Variants in DLG2 observed in about 807,000 individuals in gnomAD.
The protein encoded by DLG2 is disks large homolog 2.
DLG2 carries 45 observed loss-of-function variants against 132.5 expected under a neutral mutation model. The ratio of observed to expected loss-of-function variants is 0.34; its 90% CI spans 0.27 to 0.44. The LOEUF is 0.44. Among genes scored for constraint, DLG2 ranks in the 20% least tolerant of loss-of-function variants. The probability of loss-of-function intolerance (pLI) is 1.00; values close to 1 mark genes in which losing one functional copy is unlikely to be tolerated. For missense variants in DLG2, 1,045 were observed against 1,196.9 expected, an observed-to-expected ratio of 0.87 and a Z score of 1.87; for synonymous variants, 424 against 419.6, an observed-to-expected ratio of 1.01 and a Z score of -0.13.
chr11:85,294,271 A>C (rs2079088432), intron 3 of DLG2, among the ~76,000 whole-genome samples: 3 of 152,078 alleles, frequency 2.0e-5, no homozygotes, highest in Admixed American at 1.3e-4. Context: ...ATTGAAATAC[A>C]CCACTTTGAA....
chr11:84,517,025 AAAT>A (rs1206133493), intron 7 of DLG2, among the ~76,000 whole-genome samples: 1,290 of 6,600 alleles, frequency 0.2, 18 homozygotes, highest in African/African-American at 0.35. Flanking sequence ...AATAAAAAAT[AAAT>A]AAATAAATAA....
intron 6 of DLG2, among the ~76,000 whole-genome samples, chr11:84,687,791 A>G (rs1457616019): frequency 6.6e-6 from 1 of 152,170 alleles, no homozygotes; most frequent in Admixed American, 6.5e-5. Flanking sequence ...TACACATTAA[A>G]TGTCAAAAAA....
chr11:85,144,718 T>C (rs1244232971), intron 5 of DLG2, among the ~76,000 whole-genome samples: 3 of 152,174 alleles, frequency 2.0e-5, no homozygotes, highest in South Asian at 4.1e-4. Flanking sequence ...AAAAAAACTC[T>C]ACACTTTATC....
At chr11:85,595,962 A>T (rs2079726180) in intron 3 of DLG2, among the ~76,000 whole-genome samples, 1 of 152,168 alleles carries the variant, frequency 6.6e-6, no homozygotes, top group Non-Finnish European at 1.5e-5. Flanking sequence ...TTTTATGGTG[A>T]TGCTTTTCAG....
In DLG2 at chr11:84,004,878, C is replaced by G. The variant is rs987053912; in HGVS notation, c.920-24236G>C. ...AGCAATCTACAGATTCAATGCAATC[C>G]CTATAAAAATACCAGAGTCATTTTT... On this transcript the variant is annotated intron_variant, in intron 11 of 27. Coordinates refer to ENST00000376104, the MANE Select transcript of DLG2 (RefSeq NM_001142699.3). Among the ~76,000 whole-genome samples, 3 of 148,278 alleles carry G rather than the reference C, an allele frequency of 2.0e-5. No homozygotes were observed. The Admixed American group carries it at 2.0e-4, about 10-fold the overall frequency.
intron 7 of DLG2, among the ~76,000 whole-genome samples, chr11:84,326,575 T>A (rs2098434315): frequency 6.6e-6 from 1 of 152,202 alleles, no homozygotes; most frequent in Admixed American, 6.5e-5. Flanking sequence ...TTCATTGTAG[T>A]TGGAAAATAT....
At chr11:83,989,505 G>A (rs1387567341) in intron 11 of DLG2, among the ~76,000 whole-genome samples, 2 of 152,182 alleles carry the variant, frequency 1.3e-5, no homozygotes, top group Admixed American at 6.5e-5. Context: ...CCAGCATTAT[G>A]TGAGGGAAGC....
At chr11:83,901,100 A>G (rs2073297134) in intron 15 of DLG2, among the ~76,000 whole-genome samples, 1 of 152,180 alleles carries the variant, frequency 6.6e-6, no homozygotes, top group Non-Finnish European at 1.5e-5. Flanking sequence ...GTTTTGGCCA[A>G]TGTCTCTCAT....
chr11:85,045,949 A>G (rs1241881572), intron 6 of DLG2, among the ~76,000 whole-genome samples: 1 of 152,030 alleles, frequency 6.6e-6, no homozygotes. Context: ...TACGTCTCTA[A>G]ACGAATCAAA....
chr11:84,121,085 C>T (rs1360381761), intron 9 of DLG2, among the ~76,000 whole-genome samples: 1 of 152,186 alleles, frequency 6.6e-6, no homozygotes, highest in African/African-American at 2.4e-5. Context: ...TGAACACCTT[C>T]TCTTTACCTG....
Position 85,013,500 on chromosome 11 carries a change from T to C in DLG2, c.357+98161A>G, listed in dbSNP as rs559331474. Among the ~76,000 whole-genome samples, 69 of 152,240 alleles carry C rather than the reference T, an allele frequency of 4.5e-4. 2 individuals carry two copies. The highest frequency in any genetic ancestry group is 1.4e-3 in the African/African-American group (60 of 41,546). On this transcript the variant is annotated intron_variant, in intron 6 of 27. Transcript: ENST00000376104. ...ACATTCAAAACCCTAAGTGTCCTCA[T>C]TGTTACTAATGTCCTAAATCAGAGC...
chr11:84,568,394 C>T (rs779832971), intron 6 of DLG2, among the ~76,000 whole-genome samples: 5 of 152,174 alleles, frequency 3.3e-5, no homozygotes, highest in Non-Finnish European at 5.9e-5. Context: ...GTAATCCCAG[C>T]TACTTGGGAG....
chr11:85,309,681 A>C (rs1596131579), intron 3 of DLG2, among the ~76,000 whole-genome samples: 1 of 152,120 alleles, frequency 6.6e-6, no homozygotes, highest in East Asian at 1.9e-4. Flanking sequence ...ACACAAATTT[A>C]CCTGAATTTG....
intron 5 of DLG2, among the ~76,000 whole-genome samples, chr11:85,130,354 C>T (rs1172651009): frequency 1.3e-5 from 2 of 152,214 alleles, no homozygotes; most frequent in African/African-American, 4.8e-5. Context: ...AGGAATTTAT[C>T]TCTATAGTAT....
At chr11:84,192,009 T>TTTTTTTTTTTTTGTTTTTTTTTTTTTTG (rs1382737084) in intron 8 of DLG2, among the ~76,000 whole-genome samples, 2 of 152,006 alleles carry the variant, frequency 1.3e-5, no homozygotes, top group Non-Finnish European at 2.9e-5. Flanking sequence ...GTCATTCTAA[T>TTTTTTTTTTTTTGTTTTTTTTTTTTTTG]AGCACTATAC....
At chr11:85,420,743 C>A (rs1275144933) in intron 3 of DLG2, among the ~76,000 whole-genome samples, 1 of 152,178 alleles carries the variant, frequency 6.6e-6, no homozygotes, top group Admixed American at 6.5e-5. Context: ...AGGGAAAAAC[C>A]AACCACCTAC....
chr11:84,921,000 A>T (rs771571774), intron 6 of DLG2, among the ~76,000 whole-genome samples: 4 of 152,208 alleles, frequency 2.6e-5, no homozygotes, highest in African/African-American at 9.6e-5. Flanking sequence ...AACATGAGAA[A>T]CTATATACCA....
At chr11:83,874,313 AAGGGAGGG>A (rs375866162) in intron 16 of DLG2, 99 bp downstream of exon 16, 3 of 593,614 alleles carry the variant, frequency 5.1e-6, no homozygotes, top group Non-Finnish European at 7.9e-6. Flanking sequence ...GGAAAGAAGG[AAGGGAGGG>A]AGGGAGGGAA....
chr11:83,594,126 C>A (rs1348182163), intron 19 of DLG2, among the ~76,000 whole-genome samples: 1 of 152,188 alleles, frequency 6.6e-6, no homozygotes, highest in Non-Finnish European at 1.5e-5. Flanking sequence ...TTTCCTGGAC[C>A]CTTTAGGCAG....
Sources: allele counts gnomAD v4.1 joint callset (sites outside exome capture counted in the v4.1 genomes callset), GRCh38; gene constraint gnomAD v4.1.1; transcripts MANE v1.5; gene names NCBI Gene and HGNC (gene_info 2026-07-23, HGNC 2026-07-21).